Variants in RAD18 observed in about 807,000 individuals in gnomAD.
RAD18 encodes the protein RAD18 E3 ubiquitin protein ligase.
Under a neutral mutation model 60.4 loss-of-function variants are expected in RAD18, and 47 were observed. That is an observed-to-expected ratio of 0.78 (90% CI 0.62 to 0.99). The LOEUF is 0.99. Ranked by LOEUF, RAD18 falls within the 50% of genes least tolerant of loss-of-function variation. The pLI, the probability that RAD18 is intolerant of heterozygous loss-of-function variation, is 0.00. For synonymous variants in RAD18, 225 were observed against 195.5 expected, an observed-to-expected ratio of 1.15 and a Z score of -1.26; for missense variants, 640 against 593.3, an observed-to-expected ratio of 1.08 and a Z score of -0.82.
chr3:8,892,495 C>A lies in RAD18; in HGVS notation c.1323-2044G>T, dbSNP rs147412575. On this transcript the variant is annotated intron_variant, in intron 11 of 12. Transcript: ENST00000264926. ...GATATTAATAGGCTTATTTAGAACACCTGCAATTTATTTTTCACACCTTTT... is the reference window on the plus strand; with the variant it reads ...GATATTAATAGGCTTATTTAGAACAACTGCAATTTATTTTTCACACCTTTT... Among the ~76,000 whole-genome samples the A allele has an allele frequency of 2.0e-3, 301 of 152,250 alleles. 2 individuals carry two copies. In the East Asian group the frequency reaches 0.028, roughly 14 times the overall value.
chr3:8,939,762 C>G, intron 5 of RAD18, 109 bp from the exon 6 acceptor site: 1 of 876,670 alleles, frequency 1.1e-6, no homozygotes, highest in Non-Finnish European at 1.7e-6. Context: ...CCCAACTTAA[C>G]ATGCACTTAG....
At chr3:8,931,675 T>G (rs1057501905) in intron 7 of RAD18, 6 of 152,234 alleles carry the variant, frequency 3.9e-5, no homozygotes, top group Non-Finnish European at 7.3e-5. Context: ...AACATTTATG[T>G]GGGATTGCAA....
At chr3:8,921,711 A>G (rs1407546738) in intron 7 of RAD18, among the ~76,000 whole-genome samples, 2 of 152,170 alleles carry the variant, frequency 1.3e-5, no homozygotes, top group Non-Finnish European at 2.9e-5. Flanking sequence ...AAATCCAGGA[A>G]AAAATGAAGT....
chr3:8,955,683 C>T (rs950467619), intron 2 of RAD18, among the ~76,000 whole-genome samples: 1 of 152,168 alleles, frequency 6.6e-6, no homozygotes, highest in African/African-American at 2.4e-5. Context: ...ACCTGCAATA[C>T]CATGGACAGA....
At chr3:8,959,087 A>G (rs953842650) in intron 1 of RAD18, 86 bp from the exon 2 acceptor site, 17 of 999,830 alleles carry the variant, frequency 1.7e-5, no homozygotes, top group Non-Finnish European at 2.7e-5. Flanking sequence ...ATCCCCTAAA[A>G]AAAAAATCAA....
At chr3:8,932,913 T>C (rs976593118) in intron 7 of RAD18, among the ~76,000 whole-genome samples, 2 of 151,984 alleles carry the variant, frequency 1.3e-5, no homozygotes, top group African/African-American at 4.8e-5. Flanking sequence ...CTGGCCAATA[T>C]GGTGAAACCC....
Position 8,960,854 on chromosome 3 carries a change from C to T in RAD18, c.52-1853G>A, listed in dbSNP as rs183416847. ...AATTATGGATGGTTTTATTTTTCTC[C>T]TTTATCTTATTCTGAATTTTAATTT... is the stretch of plus-strand genomic sequence containing the variant. On this transcript the variant is annotated intron_variant, in intron 1 of 12. Transcript: ENST00000264926. Among the ~76,000 whole-genome samples the T allele has an allele frequency of 6.0e-3, 908 of 152,264 alleles. 5 individuals carry two copies. Among genetic ancestry groups the T allele is most frequent in the African/African-American group, 0.021 (863 of 41,568 alleles).
At chr3:8,911,222 G>A (rs1940099051) in intron 9 of RAD18, among the ~76,000 whole-genome samples, 1 of 152,074 alleles carries the variant, frequency 6.6e-6, no homozygotes, top group Non-Finnish European at 1.5e-5. Flanking sequence ...ATATCTAAAT[G>A]GTGGGCAATG....
At chr3:8,918,711 G>A (rs935351035) in intron 7 of RAD18, among the ~76,000 whole-genome samples, 1 of 152,146 alleles carries the variant, frequency 6.6e-6, no homozygotes, top group Non-Finnish European at 1.5e-5. Context: ...ATAAGCAAAG[G>A]ACTGAAAAAG....
At chr3:8,918,318 C>CAAAA (rs56365221) in intron 7 of RAD18, among the ~76,000 whole-genome samples, 4 of 73,008 alleles carry the variant, frequency 5.5e-5, no homozygotes, top group African/African-American at 6.0e-5. Flanking sequence ...AACTCCATCT[C>CAAAA]AAAAAAAAAA....
chr3:8,903,807 A>C (rs1939955927), intron 9 of RAD18, among the ~76,000 whole-genome samples: 1 of 152,216 alleles, frequency 6.6e-6, no homozygotes, highest in Non-Finnish European at 1.5e-5. Flanking sequence ...TTAAAACAAA[A>C]TTTTGACACT....
chr3:8,941,877 T>G, intron 4 of RAD18, 73 bp from the exon 5 acceptor site: 1 of 1,354,996 alleles, frequency 7.4e-7, no homozygotes, highest in African/African-American at 1.5e-5. Context: ...ACATAAGCTG[T>G]TTTCCCAATT....
chr3:8,939,571 C>T lies in RAD18; in HGVS notation c.687G>A (p.Lys229=). ...TTCCTTACCTTCTGAGGCTTTCCTT[C>T]TTCTCTTCGCGTGATAAACAGCTGT... ...HLDSCLSREE[K]KESLRSSVHK... Residue 229 remains lysine, a synonymous_variant, in exon 6 of 13, where the codon AAG becomes AAA. Transcript: ENST00000264926. 3.7e-6 allele frequency: 6 copies of T among 1,612,628 alleles called. No individual in the cohort carries two copies. The highest frequency in any genetic ancestry group is 5.1e-6 in the Non-Finnish European group (6 of 1,178,940).
intron 7 of RAD18, among the ~76,000 whole-genome samples, chr3:8,923,643 A>C (rs963904989): frequency 6.6e-6 from 1 of 152,166 alleles, no homozygotes; most frequent in Non-Finnish European, 1.5e-5. Context: ...TGAAGGAAAA[A>C]ACGTTAAGGG....
chr3:8,926,339 C>T lies in RAD18; in HGVS notation c.889+9532G>A, dbSNP rs376436264. Among the ~76,000 whole-genome samples, 40 of 152,142 alleles carry T rather than the reference C, an allele frequency of 2.6e-4. No individual in the cohort carries two copies. In the South Asian group the frequency reaches 2.7e-3, roughly 10 times the overall value. Reference sequence around the variant, plus strand: ...TCAAAGAGAATAAAATACCTAGGAACCCAACTTACAAAGGATGTGAAGGAC... The same window carrying T: ...TCAAAGAGAATAAAATACCTAGGAATCCAACTTACAAAGGATGTGAAGGAC... On this transcript the variant is annotated intron_variant, in intron 7 of 12. Coordinates refer to ENST00000264926, the MANE Select transcript of RAD18 (RefSeq NM_020165.4).
chr3:8,925,088 C>CA (rs201610310), intron 7 of RAD18, among the ~76,000 whole-genome samples: 4,962 of 151,858 alleles, frequency 0.033, 243 homozygotes, highest in East Asian at 0.21. Flanking sequence ...AATAGAGACA[C>CA]AAAAAACCCT....
chr3:8,933,950 A>G (rs750061348), intron 7 of RAD18, among the ~76,000 whole-genome samples: 20 of 152,232 alleles, frequency 1.3e-4, no homozygotes, highest in African/African-American at 2.2e-4. Flanking sequence ...TCAACGGTAA[A>G]TAATAGCCCA....
rs778528620 is a variant in RAD18 at position 8,918,310 on chromosome 3, C to A, written c.890-4590G>T. Among the ~76,000 whole-genome samples, 214 of 95,060 alleles carry A rather than the reference C, an allele frequency of 2.3e-3. 2 individuals carry two copies. Among genetic ancestry groups the A allele is most frequent in the Middle Eastern group, 0.021 (2 of 96 alleles). The allele number at this position is 95,060 out of a possible 152,430, so 62.4% of individuals were successfully genotyped here. On this transcript the variant is annotated intron_variant, in intron 7 of 12. Coordinates refer to ENST00000264926, the MANE Select transcript of RAD18 (RefSeq NM_020165.4). ...TCCAGCCTGGGCAACTAGAGTGAAA[C>A]TCCATCTCAAAAAAAAAAAAAAAAA... is the stretch of plus-strand genomic sequence containing the variant.
At chr3:8,957,832 G>C (rs2124846625) in intron 2 of RAD18, among the ~76,000 whole-genome samples, 1 of 152,300 alleles carries the variant, frequency 6.6e-6, no homozygotes, top group Non-Finnish European at 1.5e-5. Flanking sequence ...AATTGCAGTA[G>C]TAACACAGCA....
Sources: allele counts gnomAD v4.1 joint callset (sites outside exome capture counted in the v4.1 genomes callset), GRCh38; gene constraint gnomAD v4.1.1; transcripts MANE v1.5; gene names NCBI Gene and HGNC (gene_info 2026-07-23, HGNC 2026-07-21).